SYCP2L: variants seen among roughly 807,000 people sequenced by gnomAD.
The protein encoded by SYCP2L is synaptonemal complex protein 2 like.
Under a neutral mutation model 125.8 loss-of-function variants are expected in SYCP2L, and 98 were observed. The observed-to-expected ratio is 0.78, with a 90% CI of 0.66 to 0.92. SYCP2L has a LOEUF of 0.92. Among genes scored for constraint, SYCP2L ranks in the 40% least tolerant of loss-of-function variants. The pLI is 0.00. For synonymous variants in SYCP2L, 317 were observed against 325.4 expected, an observed-to-expected ratio of 0.97 and a Z score of 0.28; for missense variants, 842 against 936.4, an observed-to-expected ratio of 0.90 and a Z score of 1.32.
chr6:10,930,240 T>C, intron 18 of SYCP2L, 130 bp from the exon 19 acceptor site: 1 of 882,916 alleles, frequency 1.1e-6, no homozygotes, highest in Non-Finnish European at 1.7e-6. Flanking sequence ...TTTGCTTTTA[T>C]ATTATATAAG....
intron 29 of SYCP2L, among the ~76,000 whole-genome samples, chr6:10,972,478 C>T (rs1171970338): frequency 2.0e-5 from 3 of 152,284 alleles, no homozygotes; most frequent in East Asian, 3.9e-4. Flanking sequence ...CAGCGTAGTC[C>T]AGGGCTGGTG....
intron 29 of SYCP2L, among the ~76,000 whole-genome samples, chr6:10,969,627 G>A (rs1393047594): frequency 6.6e-6 from 1 of 152,030 alleles, no homozygotes; most frequent in Non-Finnish European, 1.5e-5. Flanking sequence ...GCCTCCCAAA[G>A]TGCTGGGATT....
intron 23 of SYCP2L, among the ~76,000 whole-genome samples, chr6:10,945,554 G>T (rs905430935): frequency 1.3e-5 from 2 of 152,096 alleles, no homozygotes; most frequent in Non-Finnish European, 2.9e-5. Flanking sequence ...TGGATCACCT[G>T]CGGTCAGGAG....
intron 12 of SYCP2L, 125 bp downstream of exon 12, chr6:10,910,994 G>A (rs1001787182): frequency 1.3e-5 from 13 of 965,922 alleles, no homozygotes; most frequent in South Asian, 6.8e-5. Context: ...GGATGCCAAC[G>A]TCTTCTAATG....
intron 29 of SYCP2L, among the ~76,000 whole-genome samples, chr6:10,965,482 C>T (rs933283040): frequency 3.3e-5 from 5 of 152,116 alleles, no homozygotes; most frequent in Admixed American, 1.3e-4. Flanking sequence ...TGTGCACATC[C>T]AAGTCTTGAC....
rs746235179 is a variant in SYCP2L at position 10,956,262 on chromosome 6, A to T, written c.2163+20A>T. ...TATGAGGTAGTAGTCCACAAAACTT[A>T]AAAAACTAGAGCGTTATGAATCTGG... On this transcript the variant is annotated intron_variant, in intron 25 of 29. Transcript: ENST00000283141. 1 of 1,547,768 alleles carries T rather than the reference A, an allele frequency of 6.5e-7. No homozygotes were observed. The highest frequency in any genetic ancestry group is 8.9e-7 in the Non-Finnish European group (1 of 1,122,878).
intron 14 of SYCP2L, among the ~76,000 whole-genome samples, chr6:10,914,116 A>C (rs1201710606): frequency 1.3e-5 from 2 of 152,112 alleles, no homozygotes; most frequent in Non-Finnish European, 2.9e-5. Context: ...TACATGTGTG[A>C]GCCACCGTGC....
In SYCP2L at chr6:10,911,894, C is replaced by CTTTCTTTTTTTTTTTTTT; in HGVS notation, c.919-776_919-775insCTTTTTTTTTTTTTTTTT. Among the ~76,000 whole-genome samples the CTTTCTTTTTTTTTTTTTT allele has an allele frequency of 1.2e-3, 58 of 50,030 alleles. 11 individuals are homozygous for CTTTCTTTTTTTTTTTTTT. Among genetic ancestry groups the CTTTCTTTTTTTTTTTTTT allele is most frequent in the East Asian group, 2.2e-3 (5 of 2,260 alleles). 32.8% of individuals were successfully genotyped at this position (50,030 alleles called of 152,430 possible). A position where few individuals can be genotyped will look rare whatever the true frequency, so the allele number is the denominator to read the frequency against. On this transcript the variant is annotated intron_variant, in intron 12 of 29. Coordinates refer to ENST00000283141, the MANE Select transcript of SYCP2L (RefSeq NM_001040274.3). ...TTTATCTGTTGTTGGGGAATAAAAG[C>CTTTCTTTTTTTTTTTTTT]TTTTTTTTTTTTTTTTTTTTTTTTT...
chr6:10,922,056 CA>C (rs1199019556), intron 14 of SYCP2L, among the ~76,000 whole-genome samples: 1 of 152,030 alleles, frequency 6.6e-6, no homozygotes, highest in Non-Finnish European at 1.5e-5. Context: ...TTCATAATTG[CA>C]TTCCTAAAGA....
rs1781241841 is a variant in SYCP2L, at chr6:10,942,499, G to C, written c.1854G>C (p.Leu618Phe). ...ACTCACTGAGTGAGCTCTCTTCCTT[G>C]AAGCACTCAGAAGATGAAGAAAAAC... ...DPHSLSELSS[L>F]KHSEDEEKPK... Residue 618 changes from leucine to phenylalanine, a missense_variant, in exon 22 of 30, where the codon TTG becomes TTC. Leu to Phe is a conservative substitution (Grantham distance 22). Coordinates refer to ENST00000283141, the MANE Select transcript of SYCP2L (RefSeq NM_001040274.3). 1.2e-6 allele frequency: 2 copies of C among 1,602,148 alleles called. No homozygotes were observed. Among genetic ancestry groups the C allele is most frequent in the Middle Eastern group, 1.7e-4 (1 of 6,010 alleles).
chr6:10,895,034 T>C (rs1467417922), intron 4 of SYCP2L, among the ~76,000 whole-genome samples: 1 of 152,174 alleles, frequency 6.6e-6, no homozygotes, highest in African/African-American at 2.4e-5. Flanking sequence ...GAAAGCAAAC[T>C]CCAGGCTTTC....
intron 24 of SYCP2L, 106 bp downstream of exon 24, chr6:10,955,323 G>A (rs1310267234): frequency 1.4e-5 from 9 of 660,288 alleles, no homozygotes; most frequent in East Asian, 2.7e-5. Flanking sequence ...TAAGATCATA[G>A]TAGCTACAAA....
At chr6:10,891,418 A>ATTTT (rs61237589) in intron 1 of SYCP2L, 95 bp from the exon 2 acceptor site, 3 of 474,176 alleles carry the variant, frequency 6.3e-6, no homozygotes, top group South Asian at 2.7e-5. Context: ...CAAACCTTTA[A>ATTTT]TTTTTTTTTT....
chr6:10,935,357 A>G (rs77675553), intron 21 of SYCP2L, among the ~76,000 whole-genome samples, 170 bp downstream of exon 21: 2,915 of 152,260 alleles, frequency 0.019, 113 homozygotes, highest in African/African-American at 0.066. Flanking sequence ...ATGATGTTTT[A>G]ATTTTGCTGT....
chr6:10,971,833 C>T (rs1429485719), intron 29 of SYCP2L, among the ~76,000 whole-genome samples: 1 of 152,080 alleles, frequency 6.6e-6, no homozygotes, highest in African/African-American at 2.4e-5. Flanking sequence ...TCCCACCACA[C>T]CCGGCTAATT....
chr6:10,907,803 C>A, intron 10 of SYCP2L, 119 bp downstream of exon 10: 1 of 897,412 alleles, frequency 1.1e-6, no homozygotes, highest in Non-Finnish European at 1.7e-6. Context: ...ATTACACTGC[C>A]ATTCTTGAAC....
At chr6:10,953,830 A>G (rs1681157527) in intron 23 of SYCP2L, among the ~76,000 whole-genome samples, 1 of 152,208 alleles carries the variant, frequency 6.6e-6, no homozygotes, top group African/African-American at 2.4e-5. Context: ...TAAGCTGGGA[A>G]GAGAGTGTGA....
chr6:10,948,139 G>A (rs1191183761), intron 23 of SYCP2L, among the ~76,000 whole-genome samples: 7 of 151,964 alleles, frequency 4.6e-5, no homozygotes, highest in African/African-American at 1.4e-4. Context: ...AATGATTACC[G>A]TAATCAAGCT....
chr6:10,947,562 A>G (rs927016819), intron 23 of SYCP2L, among the ~76,000 whole-genome samples: 1 of 152,056 alleles, frequency 6.6e-6, no homozygotes, highest in African/African-American at 2.4e-5. Flanking sequence ...TGTTATTGCT[A>G]AAGTAGAGCG....
Sources: allele counts gnomAD v4.1 joint callset (sites outside exome capture counted in the v4.1 genomes callset), GRCh38; gene constraint gnomAD v4.1.1; transcripts MANE v1.5; gene names NCBI Gene and HGNC (gene_info 2026-07-23, HGNC 2026-07-21).